C2orf42: variants seen among roughly 807,000 people sequenced by gnomAD.
C2orf42 encodes uncharacterized protein C2orf42.
Under a neutral mutation model 58.9 loss-of-function variants are expected in C2orf42, and 44 were observed. The ratio of observed to expected loss-of-function variants is 0.75; its 90% confidence interval spans 0.59 to 0.96. The LOEUF is 0.96. C2orf42 is among the 40% of genes least tolerant of loss of function. The probability of loss-of-function intolerance (pLI) is 0.00; values close to 1 mark genes in which losing one functional copy is unlikely to be tolerated. For synonymous variants in C2orf42, 239 were observed against 265.4 expected (o/e 0.90, Z 0.97); for missense variants, 630 against 699.2 (o/e 0.90, Z 1.12).
chr2:70,158,198 C>CAA (rs545342436), intron 9 of C2orf42, among the ~76,000 whole-genome samples: 2 of 74,812 alleles, frequency 2.7e-5, no homozygotes, highest in South Asian at 4.2e-4. Context: ...GACTCGGTCT[C>CAA]AAAAAAAAAA....
chr2:70,153,947 G>A lies in C2orf42; in HGVS notation c.1517-3383C>T, dbSNP rs571491257. Among the ~76,000 whole-genome samples the A allele has an allele frequency of 1.4e-3, 212 of 151,610 alleles. 1 individual carries two copies. The highest frequency in any genetic ancestry group is 4.9e-3 in the African/African-American group (204 of 41,404). ...GTGGCGGGCTAATCCCAGCTACTCG[G>A]GAGGCTGAGGCAGGAGAATCGCTTG... On this transcript the variant is annotated intron_variant, in intron 9 of 9. Transcript: ENST00000264434.
At chr2:70,160,111 T>A (rs1475421113) in intron 9 of C2orf42, among the ~76,000 whole-genome samples, 3 of 151,750 alleles carry the variant, frequency 2.0e-5, no homozygotes, top group Admixed American at 2.0e-4. Context: ...ATGGCTGGCA[T>A]GCATTTATTC....
At chr2:70,150,810 A>G (rs1672262364) in intron 9 of C2orf42, among the ~76,000 whole-genome samples, 1 of 152,172 alleles carries the variant, frequency 6.6e-6, no homozygotes. Flanking sequence ...CAGTGGCGCA[A>G]TCTCAGTTCA....
intron 5 of C2orf42, among the ~76,000 whole-genome samples, chr2:70,171,520 C>CT (rs919066704): frequency 1.3e-5 from 2 of 151,574 alleles, no homozygotes; most frequent in African/African-American, 2.4e-5. Context: ...AATGAATTCA[C>CT]TTTTTTTTGA....
Position 70,181,815 on chromosome 2 carries a change from C to T in C2orf42, c.171G>A (p.Lys57=), listed in dbSNP as rs749878155. 3.1e-6 allele frequency: 5 copies of T among 1,614,176 alleles called. No individual in the cohort carries two copies. In the East Asian group the frequency reaches 8.9e-5, roughly 29 times the overall value. The change falls in exon 3 of 10, where the codon AAG becomes AAA. Residue 57 remains lysine (K), a synonymous_variant. Coordinates refer to ENST00000264434, the MANE Select transcript of C2orf42 (RefSeq NM_017880.3). ...CGTIFRYGAR[K]QPSVEAVKII... ...TTTTGACAGCTTCAACACTAGGCTG[C>T]TTGCGTGCACCGTAGCGGAATATGG... is the stretch of plus-strand genomic sequence containing the variant.
At chr2:70,162,129 A>G (rs1177293082) in intron 8 of C2orf42, among the ~76,000 whole-genome samples, 10 of 151,214 alleles carry the variant, frequency 6.6e-5, no homozygotes, top group Middle Eastern at 3.4e-3. Context: ...CTCCTGCCTC[A>G]GCCTCCCGAG....
In C2orf42 at chr2:70,175,759, G is replaced by C. The variant is rs774184006; in HGVS notation, c.953C>G (p.Ser318Ter). 1.2e-6 allele frequency: 2 copies of C among 1,607,936 alleles called. No individual in the cohort carries two copies. The highest frequency in any genetic ancestry group is 1.7e-6 in the Non-Finnish European group (2 of 1,174,590). The change falls in exon 5 of 10, where the codon TCA (serine) becomes TGA (stop). Residue 318 changes from serine to a stop codon, truncating the protein, a stop_gained. Coordinates refer to ENST00000264434, the MANE Select transcript of C2orf42 (RefSeq NM_017880.3). LOFTEE classifies it high-confidence loss of function. ...GCTCACTGCATCTTGAGGCAGTAGT[G>C]AACTGTTCATCTGTGCACCTAAACC... Reference protein sequence around the residue: ...DEVSGAQMNSSLLPQDAVSSN... With the variant: ...DEVSGAQMNS
At chr2:70,152,988 G>A (rs1481481740) in intron 9 of C2orf42, among the ~76,000 whole-genome samples, 11 of 149,886 alleles carry the variant, frequency 7.3e-5, no homozygotes, top group African/African-American at 2.0e-4. Context: ...AGCCAAGATC[G>A]CACCACTGCA....
chr2:70,173,998 G>C (rs1393057889), intron 5 of C2orf42, among the ~76,000 whole-genome samples: 1 of 152,030 alleles, frequency 6.6e-6, no homozygotes, highest in Non-Finnish European at 1.5e-5. Flanking sequence ...AAACATGTCA[G>C]AATTTTTTTG....
At chr2:70,181,000 CAAAAAAAAAAAAAAAAA>C (rs58297085) in intron 3 of C2orf42, among the ~76,000 whole-genome samples, 146 bp downstream of exon 3, 2 of 60,396 alleles carry the variant, frequency 3.3e-5, no homozygotes, top group East Asian at 5.8e-4. Flanking sequence ...GACCTTGTCT[CAAAAAAAAAAAAAAAAA>C]AAAAAAAAAA....
chr2:70,162,005 C>G (rs113978238), intron 8 of C2orf42, among the ~76,000 whole-genome samples: 27 of 151,912 alleles, frequency 1.8e-4, no homozygotes, highest in African/African-American at 6.5e-4. Context: ...CCAGGCCTCA[C>G]TTTTTCTTTT....
intron 6 of C2orf42, among the ~76,000 whole-genome samples, chr2:70,167,245 C>T (rs1673464163): frequency 6.6e-6 from 1 of 151,860 alleles, no homozygotes. Context: ...GTAGTCCCAG[C>T]TACTTGGGAG....
intron 5 of C2orf42, among the ~76,000 whole-genome samples, chr2:70,171,918 G>A (rs1211260727): frequency 6.6e-6 from 1 of 151,838 alleles, no homozygotes; most frequent in East Asian, 1.9e-4. Flanking sequence ...GAGTTTAGAG[G>A]TCGGAGTCAA....
At chr2:70,176,419 G>A (rs1320461511) in intron 4 of C2orf42, among the ~76,000 whole-genome samples, 1 of 151,554 alleles carries the variant, frequency 6.6e-6, no homozygotes, top group African/African-American at 2.4e-5. Context: ...CAGGAGAATC[G>A]CCTGAACCCA....
At chr2:70,151,161 A>G (rs1482432066) in intron 9 of C2orf42, among the ~76,000 whole-genome samples, 1 of 152,158 alleles carries the variant, frequency 6.6e-6, no homozygotes, top group African/African-American at 2.4e-5. Context: ...AGACCAGCCT[A>G]TGCAACAAAG....
chr2:70,162,754 C>T (rs1294024865), intron 8 of C2orf42, among the ~76,000 whole-genome samples: 1 of 152,126 alleles, frequency 6.6e-6, no homozygotes, highest in East Asian at 1.9e-4. Flanking sequence ...TTATAGCCAC[C>T]ATGCCTGGCT....
intron 9 of C2orf42, among the ~76,000 whole-genome samples, chr2:70,160,422 T>C (rs1206730123): frequency 6.6e-6 from 1 of 152,128 alleles, no homozygotes; most frequent in African/African-American, 2.4e-5. Context: ...GGATTATAGG[T>C]GTGAGCCACA....
intron 1 of C2orf42, among the ~76,000 whole-genome samples, chr2:70,189,666 C>G (rs1204658213): frequency 1.3e-5 from 2 of 148,250 alleles, no homozygotes; most frequent in African/African-American, 5.0e-5. Flanking sequence ...TGCAGTGAGC[C>G]GAGATCGTGC....
chr2:70,180,607 CAAAAAA>C (rs59381817), intron 3 of C2orf42, among the ~76,000 whole-genome samples: 17 of 57,076 alleles, frequency 3.0e-4, no homozygotes, highest in African/African-American at 1.0e-3. Flanking sequence ...GATTCTGTCT[CAAAAAA>C]AAAAAAAAAA....
Sources: allele counts gnomAD v4.1 joint callset (sites outside exome capture counted in the v4.1 genomes callset), GRCh38; gene constraint gnomAD v4.1.1; transcripts MANE v1.5; gene names NCBI Gene and HGNC (gene_info 2026-07-23, HGNC 2026-07-21).